The following SDK1 variants were observed in gnomAD, a reference collection of about 807,000 sequenced individuals.
The protein encoded by SDK1 is protein sidekick-1.
SDK1 carries 157 observed loss-of-function variants against 245.5 expected under a neutral mutation model. The ratio of observed to expected loss-of-function variants is 0.64; its 90% CI spans 0.56 to 0.73. The LOEUF (loss-of-function observed/expected upper bound fraction) is 0.73, where lower values mean the gene tolerates loss of function less well. Among genes scored for constraint, SDK1 ranks in the 30% least tolerant of loss-of-function variants. The pLI is 0.00. For synonymous variants in SDK1, 1,647 were observed against 1,278.5 expected, an observed-to-expected ratio of 1.29 and a Z score of -6.15; for missense variants, 3,583 against 3,002.3, an observed-to-expected ratio of 1.19 and a Z score of -4.52.
intron 36 of SDK1, among the ~76,000 whole-genome samples, chr7:4,207,113 A>G (rs537543441): frequency 1.1e-4 from 16 of 152,242 alleles, no homozygotes; most frequent in Admixed American, 2.0e-4. Context: ...GAAGCCCACT[A>G]CATCCTGCAG....
At chr7:4,219,621 A>G (rs893380051) in intron 38 of SDK1, among the ~76,000 whole-genome samples, 1 of 152,088 alleles carries the variant, frequency 6.6e-6, no homozygotes, top group African/African-American at 2.4e-5. Context: ...GATTATTACA[A>G]TTCAAGGTGA....
intron 1 of SDK1, among the ~76,000 whole-genome samples, chr7:3,578,040 C>T (rs574852588): frequency 6.6e-6 from 1 of 152,150 alleles, no homozygotes; most frequent in East Asian, 1.9e-4. Context: ...TTTCCTCCTT[C>T]CCTTGTTTTT....
chr7:4,178,337 T>A (rs649494), intron 34 of SDK1, 148 bp from the exon 35 acceptor site: 456,609 of 677,730 alleles, frequency 0.67, 156,466 homozygotes, highest in Admixed American at 0.75. Context: ...CCGGTCACAG[T>A]GGATGCAGGT....
intron 4 of SDK1, among the ~76,000 whole-genome samples, chr7:3,790,407 G>A (rs1781044354): frequency 6.6e-6 from 1 of 152,170 alleles, no homozygotes; most frequent in Non-Finnish European, 1.5e-5. Flanking sequence ...TGGCAAAGGG[G>A]CCTGCAAAAC....
intron 4 of SDK1, among the ~76,000 whole-genome samples, chr7:3,777,320 T>A (rs865958630): frequency 1.2e-4 from 19 of 152,350 alleles, no homozygotes; most frequent in Admixed American, 1.3e-4. Flanking sequence ...TTAATAGATA[T>A]TCCTAAGCCT....
intron 4 of SDK1, among the ~76,000 whole-genome samples, chr7:3,742,654 T>C (rs568094183): frequency 1.3e-5 from 2 of 152,358 alleles, no homozygotes; most frequent in South Asian, 4.1e-4. Context: ...GCCATTCTTA[T>C]GAAGTCCTCC....
chr7:3,940,682 G>A (rs942914445), intron 5 of SDK1, among the ~76,000 whole-genome samples: 2 of 152,068 alleles, frequency 1.3e-5, no homozygotes, highest in Non-Finnish European at 2.9e-5. Flanking sequence ...ATAGCCGGGT[G>A]TCGTGGCAGG....
chr7:3,630,822 C>G (rs935050228), intron 2 of SDK1, among the ~76,000 whole-genome samples: 1 of 152,128 alleles, frequency 6.6e-6, no homozygotes, highest in Admixed American at 6.5e-5. Context: ...TTAACAGATC[C>G]ATTTTTTCCA....
intron 5 of SDK1, among the ~76,000 whole-genome samples, chr7:3,948,681 G>C (rs953875281): frequency 2.0e-5 from 3 of 152,206 alleles, no homozygotes; most frequent in Admixed American, 6.5e-5. Flanking sequence ...TGGCCCTGCG[G>C]GGCTGCGAAC....
chr7:4,111,032 C>G (rs1357002722), intron 23 of SDK1, among the ~76,000 whole-genome samples: 1 of 152,162 alleles, frequency 6.6e-6, no homozygotes, highest in Non-Finnish European at 1.5e-5. Context: ...AAATGGCCCA[C>G]TGTTATTATA....
intron 1 of SDK1, among the ~76,000 whole-genome samples, chr7:3,465,808 A>C (rs1233580842): frequency 6.6e-6 from 1 of 152,180 alleles, no homozygotes; most frequent in Non-Finnish European, 1.5e-5. Context: ...GGAGTACTTT[A>C]GGGAGTCACC....
At chr7:3,825,833 C>T (rs1420428403) in intron 5 of SDK1, among the ~76,000 whole-genome samples, 3 of 152,170 alleles carry the variant, frequency 2.0e-5, no homozygotes, top group Non-Finnish European at 4.4e-5. Flanking sequence ...GAGAGGGGAA[C>T]AGGCAGATGC....
intron 1 of SDK1, among the ~76,000 whole-genome samples, chr7:3,605,509 G>A (rs2128640174): frequency 6.6e-6 from 1 of 152,318 alleles, no homozygotes; most frequent in South Asian, 2.1e-4. Context: ...TGGGAAGGAA[G>A]CTAAAGAACA....
intron 4 of SDK1, among the ~76,000 whole-genome samples, chr7:3,670,940 C>T (rs1337424148): frequency 6.6e-6 from 1 of 152,154 alleles, no homozygotes; most frequent in East Asian, 1.9e-4. Context: ...AAGGACAGGT[C>T]GTCTATTATT....
chr7:4,221,213 C>A, intron 39 of SDK1, 26 bp from the exon 40 acceptor site: 2 of 1,611,428 alleles, frequency 1.2e-6, no homozygotes, highest in South Asian at 2.2e-5. Flanking sequence ...TGATGCCTCA[C>A]CTCTCTTTTC....
chr7:3,777,061 T>A (rs1780588094), intron 4 of SDK1, among the ~76,000 whole-genome samples: 1 of 152,154 alleles, frequency 6.6e-6, no homozygotes, highest in Non-Finnish European at 1.5e-5. Context: ...GTGATGATAT[T>A]TTTCTCTAAA....
At chr7:3,642,245 A>C (rs1782673940) in intron 4 of SDK1, 140 bp downstream of exon 4, 1 of 670,402 alleles carries the variant, frequency 1.5e-6, no homozygotes, top group Non-Finnish European at 2.4e-6. Context: ...CCTAATTTTT[A>C]ATAAACAGCT....
intron 1 of SDK1, among the ~76,000 whole-genome samples, chr7:3,508,580 G>T (rs77521796): frequency 2.6e-5 from 4 of 151,800 alleles, no homozygotes; most frequent in Admixed American, 6.6e-5. Flanking sequence ...TACCCGCCTG[G>T]GCCTCCCAAA....
intron 1 of SDK1, among the ~76,000 whole-genome samples, chr7:3,605,113 C>T (rs1255591731): frequency 7.0e-6 from 1 of 142,674 alleles, no homozygotes; most frequent in Non-Finnish European, 1.5e-5. Flanking sequence ...TTGATTAATG[C>T]TCTATAGCAC....
Sources: allele counts gnomAD v4.1 joint callset (sites outside exome capture counted in the v4.1 genomes callset), GRCh38; gene constraint gnomAD v4.1.1; transcripts MANE v1.5; gene names NCBI Gene and HGNC (gene_info 2026-07-23, HGNC 2026-07-21).